NAB1: variants seen among roughly 807,000 people sequenced by gnomAD.
NAB1 encodes NGFI-A-binding protein 1.
In NAB1, 25 loss-of-function variants were observed where a neutral mutation model predicts 49.9. The observed-to-expected ratio is 0.50, with a 90% CI of 0.37 to 0.70. The LOEUF (loss-of-function observed/expected upper bound fraction) is 0.70, where lower values mean the gene tolerates loss of function less well. Among genes scored for constraint, NAB1 ranks in the 30% least tolerant of loss-of-function variants. NAB1 has a pLI of 0.00. For synonymous variants in NAB1, 198 were observed against 215.6 expected (o/e 0.92, Z 0.71); for missense variants, 489 against 575.9 (o/e 0.85, Z 1.54).
rs747725013 is a variant in NAB1 at position 190,690,300 on chromosome 2, A to C, written c.1431A>C (p.Lys477Asn). ...ATTCAGCTTTTACCTTAGAAAAGAA[A>C]GTCATCAAAACAGAGCCTGAAGATT... is the stretch of plus-strand genomic sequence containing the variant. ...YPHSAFTLEK[K>N]VIKTEPEDSR The change falls in exon 10 of 10, where the codon AAA (lysine) becomes AAC (asparagine). Residue 477 changes from lysine to asparagine, a missense_variant. Lys to Asn is a moderately conservative substitution (Grantham distance 94). Coordinates refer to ENST00000337386, the MANE Select transcript of NAB1 (RefSeq NM_005966.4). 2.7e-5 allele frequency: 44 copies of C among 1,612,664 alleles called. No individual in the cohort carries two copies. The highest frequency in any genetic ancestry group is 3.6e-5 in the Non-Finnish European group (43 of 1,179,268).
Position 190,690,441 on chromosome 2 carries a change from A to T in NAB1, c.*108A>T. ...GTGTTGCCTCATTCAGCTCAAACAGATTTCATAGCCAAAGCAAAAGGACTG... is the reference window on the plus strand; with the variant it reads ...GTGTTGCCTCATTCAGCTCAAACAGTTTTCATAGCCAAAGCAAAAGGACTG... On this transcript the variant is annotated 3_prime_UTR_variant, in exon 10 of 10. Transcript: ENST00000337386. 1.2e-6 allele frequency: 1 copy of T among 841,604 alleles called. No individual in the cohort carries two copies. The highest frequency in any genetic ancestry group is 1.9e-6 in the Non-Finnish European group (1 of 513,760). The allele number at this position is 841,604 out of a possible 1,614,324, so 52.1% of individuals were successfully genotyped here. A position where few individuals can be genotyped will look rare whatever the true frequency, so the allele number is the denominator to read the frequency against.
Position 190,659,574 on chromosome 2 carries a change from C to T in NAB1, c.398C>T (p.Thr133Ile). ...TTAAAAATCCCCAAATGTGCTGCCACCACCTGTGTGCAGAGCTTGGGACAG... is the reference window on the plus strand; with the variant it reads ...TTAAAAATCCCCAAATGTGCTGCCATCACCTGTGTGCAGAGCTTGGGACAG... ...PHLKIPKCAA[T>I]TCVQSLGQGK... The change falls in exon 4 of 10, where the codon ACC (threonine) becomes ATC (isoleucine). Residue 133 changes from threonine (T) to isoleucine (I), a missense_variant. Around this residue, in one of 4 missense-constraint regions of NAB1, gnomAD observed 204 missense variants for 220.9 expected, o/e 0.92. Transcript: ENST00000337386. This position sits in a 1 kb window ranked among gnomAD's most constrained non-coding sequence, Gnocchi z 6.2. 5.0e-6 allele frequency: 8 copies of T among 1,614,238 alleles called. No homozygotes were observed. The highest frequency in any genetic ancestry group is 6.8e-6 in the Non-Finnish European group (8 of 1,180,042).
rs1200861345 is a variant in NAB1 at position 190,667,335 on chromosome 2, CAG to C, written c.820-2988_820-2987del. The stretch of plus-strand genomic sequence containing the variant: ...TCAGTTAAAACATCTTACTGAAAAT[CAG>C]AGGTTTCCTTAGTAATTTAGATTTA... On this transcript the variant is annotated intron_variant, in intron 4 of 9. Coordinates refer to ENST00000337386, the MANE Select transcript of NAB1 (RefSeq NM_005966.4). The surrounding 1 kb of genome is among the most constrained non-coding windows in gnomAD (Gnocchi z 4.4). Among the ~76,000 whole-genome samples the C allele has an allele frequency of 2.0e-5, 3 of 152,198 alleles. No individual in the cohort carries two copies. Among genetic ancestry groups the C allele is most frequent in the South Asian group, 4.1e-4 (2 of 4,834 alleles).
rs554561460 is a variant in NAB1 at position 190,677,593 on chromosome 2, G to C, written c.1005+4441G>C. On this transcript the variant is annotated intron_variant, in intron 6 of 9. Transcript: ENST00000337386. The surrounding 1 kb of genome is among the most constrained non-coding windows in gnomAD (Gnocchi z 5.6). ...TCTAATTAAATCTTCTCATTCTGGG[G>C]CAATTGTAAAAATCGCTACTTTGTA... The C allele has an allele frequency of 5.1e-4, 78 of 152,240 alleles. 1 individual carries two copies. The highest frequency in any genetic ancestry group is 4.8e-3 in the Admixed American group (74 of 15,294). 9.4% of individuals were successfully genotyped at this position (152,240 alleles called of 1,614,324 possible).
In NAB1 at chr2:190,666,777, G is replaced by T. The variant is rs1236175483; in HGVS notation, c.820-3549G>T. 6.6e-6 allele frequency among the ~76,000 whole-genome samples: 1 copy of T among 152,182 alleles called. No individual in the cohort carries two copies. The highest frequency in any genetic ancestry group is 1.5e-5 in the Non-Finnish European group (1 of 68,030). Reference sequence around the variant, plus strand: ...ATTTTGGTATTTTGGGCCACAAAAAGAGGAAATGGAGGAAATAAGTAAACC... The same window carrying T: ...ATTTTGGTATTTTGGGCCACAAAAATAGGAAATGGAGGAAATAAGTAAACC... On this transcript the variant is annotated intron_variant, in intron 4 of 9. Transcript: ENST00000337386. This position sits in a 1 kb window ranked among gnomAD's most constrained non-coding sequence, Gnocchi z 5.6.
At chr2:190,673,641 A>G (rs529282707) in intron 6 of NAB1, among the ~76,000 whole-genome samples, 1 of 152,344 alleles carries the variant, frequency 6.6e-6, no homozygotes, top group Non-Finnish European at 1.5e-5. Context: ...ATCATTAGTC[A>G]TCAAATACAG....
chr2:190,688,157 C>T (rs140420513), intron 9 of NAB1, among the ~76,000 whole-genome samples: 192 of 152,294 alleles, frequency 1.3e-3, no homozygotes, highest in Middle Eastern at 3.4e-3. Context: ...ACTTAATCAA[C>T]GTCACTGATT....
In NAB1 at chr2:190,652,343, TG is replaced by T. The variant is rs1693710037; in HGVS notation, c.-197+2364del. Among the ~76,000 whole-genome samples the T allele has an allele frequency of 6.6e-6, 1 of 152,210 alleles. No homozygotes were observed. The highest frequency in any genetic ancestry group is 1.5e-5 in the Non-Finnish European group (1 of 68,018). Reference sequence around the variant, plus strand: ...TATTGCCTGCATACTCTGTGCTCAGTGGGTACTTAATGTTTGTTGAATGACT... The same window carrying T: ...TATTGCCTGCATACTCTGTGCTCAGTGGTACTTAATGTTTGTTGAATGACT... On this transcript the variant is annotated intron_variant, in intron 2 of 9. Coordinates refer to ENST00000337386, the MANE Select transcript of NAB1 (RefSeq NM_005966.4). This position sits in a 1 kb window ranked among gnomAD's most constrained non-coding sequence, Gnocchi z 4.2.
rs1441630754 is a variant in NAB1, at chr2:190,667,684, A to T, written c.820-2642A>T. On this transcript the variant is annotated intron_variant, in intron 4 of 9. Coordinates refer to ENST00000337386, the MANE Select transcript of NAB1 (RefSeq NM_005966.4). This position sits in a 1 kb window ranked among gnomAD's most constrained non-coding sequence, Gnocchi z 4.4. ...TCAGTGGCCAAATTAATTGTCTCAG[A>T]ACAAATTAATATAAATTACAGTTAT... Among the ~76,000 whole-genome samples, 1 of 152,128 alleles carries T rather than the reference A, an allele frequency of 6.6e-6. No homozygotes were observed. The highest frequency in any genetic ancestry group is 1.5e-5 in the Non-Finnish European group (1 of 67,986).
chr2:190,655,882 GT>G (rs1432616535), intron 2 of NAB1, 94 bp from the exon 3 acceptor site: 3 of 152,298 alleles, frequency 2.0e-5, no homozygotes, highest in South Asian at 4.1e-4. Flanking sequence ...AATGATTACC[GT>G]TTAAAAGATC....
rs1470894185 is a variant in NAB1 at position 190,680,650 on chromosome 2, A to G, written c.1006-3088A>G. On this transcript the variant is annotated intron_variant, in intron 6 of 9. Coordinates refer to ENST00000337386, the MANE Select transcript of NAB1 (RefSeq NM_005966.4). The surrounding 1 kb of genome is among the most constrained non-coding windows in gnomAD (Gnocchi z 5.2). ...TATAAACACATGTTTCTAGATTTCCAGTGTTCTTTTCACTGAGATAGTTCC... is the reference window on the plus strand; with the variant it reads ...TATAAACACATGTTTCTAGATTTCCGGTGTTCTTTTCACTGAGATAGTTCC... Among the ~76,000 whole-genome samples, 5 of 152,228 alleles carry G rather than the reference A, an allele frequency of 3.3e-5. No individual in the cohort carries two copies. Among genetic ancestry groups the G allele is most frequent in the Non-Finnish European group, 7.3e-5 (5 of 68,036 alleles).
chr2:190,649,006 A>C, upstream of NAB1: 1 of 69,612 alleles, frequency 1.4e-5, no homozygotes, highest in Admixed American at 1.4e-4. The surrounding 1 kb of genome is among the most constrained non-coding windows in gnomAD (Gnocchi z 6.1). Context: ...CGGGCGGGGG[A>C]GGGGGAGGAG....
At chr2:190,661,866 G>GA (rs762385239) in intron 4 of NAB1, among the ~76,000 whole-genome samples, 14 of 152,204 alleles carry the variant, frequency 9.2e-5, no homozygotes, top group Non-Finnish European at 8.8e-5. Context: ...AAATGTTTGT[G>GA]AATCAGGAAG....
In NAB1 at chr2:190,669,513, G is replaced by A. The variant is rs985549049; in HGVS notation, c.820-813G>A. On this transcript the variant is annotated intron_variant, in intron 4 of 9. Coordinates refer to ENST00000337386, the MANE Select transcript of NAB1 (RefSeq NM_005966.4). The surrounding 1 kb of genome is among the most constrained non-coding windows in gnomAD (Gnocchi z 4.3). ...ATGAAGCAGGACTCTCCTCAGGTCT[G>A]TCTGCCATCACGTCCCATTTTCTTT... 6.6e-6 allele frequency among the ~76,000 whole-genome samples: 1 copy of A among 152,194 alleles called. No individual in the cohort carries two copies. Among genetic ancestry groups the A allele is most frequent in the Non-Finnish European group, 1.5e-5 (1 of 68,040 alleles).
chr2:190,681,637 T>C (rs975503502), intron 6 of NAB1, among the ~76,000 whole-genome samples: 1 of 152,220 alleles, frequency 6.6e-6, no homozygotes, highest in Non-Finnish European at 1.5e-5. Context: ...TAAAGCTACA[T>C]AGGACCATCT....
chr2:190,689,154 G>A lies in NAB1; in HGVS notation c.1376-1091G>A, dbSNP rs552179772. 2.0e-5 allele frequency among the ~76,000 whole-genome samples: 3 copies of A among 152,180 alleles called. No individual in the cohort carries two copies. In the East Asian group the frequency reaches 5.8e-4, roughly 29 times the overall value. On this transcript the variant is annotated intron_variant, in intron 9 of 9. Transcript: ENST00000337386. The surrounding 1 kb of genome is among the most constrained non-coding windows in gnomAD (Gnocchi z 4.3). ...TTATTCTTTATTTTTAACTGAATAGGAATAATACAGGTTTCATACAGTGCA... is the reference window on the plus strand; with the variant it reads ...TTATTCTTTATTTTTAACTGAATAGAAATAATACAGGTTTCATACAGTGCA...
intron 4 of NAB1, among the ~76,000 whole-genome samples, chr2:190,660,972 T>C (rs938212188): frequency 3.3e-5 from 5 of 151,364 alleles, no homozygotes; most frequent in Non-Finnish European, 7.4e-5. Context: ...GATGGGGGTC[T>C]CACTCTGTCA....
chr2:190,685,105 GC>G lies in NAB1; in HGVS notation c.1096-367del, dbSNP rs36123708. On this transcript the variant is annotated intron_variant, in intron 7 of 9. Transcript: ENST00000337386. The surrounding 1 kb of genome is among the most constrained non-coding windows in gnomAD (Gnocchi z 4.5). ...CCTAAAATAAAAATGCCAAGATTTC[GC>G]CCCAAGTGTTAGAAGTAGTTTATAG... 6.6e-6 allele frequency among the ~76,000 whole-genome samples: 1 copy of G among 152,052 alleles called. No homozygotes were observed. Among genetic ancestry groups the G allele is most frequent in the African/African-American group, 2.4e-5 (1 of 41,390 alleles).
chr2:190,665,422 G>T (rs1488111885), intron 4 of NAB1, among the ~76,000 whole-genome samples: 1 of 151,826 alleles, frequency 6.6e-6, no homozygotes, highest in Non-Finnish European at 1.5e-5. Flanking sequence ...AAGTTTCGTG[G>T]TTATTTTTAC....
Sources: allele counts gnomAD v4.1 joint callset (sites outside exome capture counted in the v4.1 genomes callset), GRCh38; gene constraint gnomAD v4.1.1; regional missense constraint gnomAD v4.1.1; non-coding constraint Gnocchi (gnomAD v3.1); transcripts MANE v1.5; gene names NCBI Gene and HGNC (gene_info 2026-07-23, HGNC 2026-07-21).